DNAAF9: variants seen among roughly 807,000 people sequenced by gnomAD.
The protein encoded by DNAAF9 is shulin.
DNAAF9 carries 90 observed loss-of-function variants against 167.0 expected under a neutral mutation model. That is an observed-to-expected ratio of 0.54 (90% CI 0.45 to 0.64). The LOEUF (loss-of-function observed/expected upper bound fraction) is 0.64. DNAAF9 is among the 30% of genes least tolerant of loss of function. The probability of loss-of-function intolerance (pLI) is 0.00; values close to 1 mark genes in which losing one functional copy is unlikely to be tolerated. For synonymous variants in DNAAF9, 491 were observed against 508.8 expected (o/e 0.96, Z 0.47); for missense variants, 1,315 against 1,442.2 (o/e 0.91, Z 1.43).
chr20:3,252,690 A>G lies in DNAAF9; in HGVS notation c.3422-6T>C. 6.6e-7 allele frequency: 1 copy of G among 1,526,156 alleles called. No homozygotes were observed. Among genetic ancestry groups the G allele is most frequent in the Non-Finnish European group, 9.1e-7 (1 of 1,099,728 alleles). The allele number at this position is 1,526,156 out of a possible 1,614,324, so 94.5% of individuals were successfully genotyped here. A position where few individuals can be genotyped will look rare whatever the true frequency, so the allele number is the denominator to read the frequency against. On this transcript the variant is annotated splice_polypyrimidine_tract_variant and splice_region_variant and intron_variant, in intron 36 of 36. Transcript: ENST00000252032. ...ATTCATGAACTGGTCCATGACTGGT[A>G]TCTCATTAAGGAAGAGAGCTCTGAG...
At chr20:3,350,140 G>GAC (rs1491384105) in intron 7 of DNAAF9, among the ~76,000 whole-genome samples, 2,130 of 115,372 alleles carry the variant, frequency 0.018, 27 homozygotes, top group East Asian at 0.045. Flanking sequence ...CAGACACACA[G>GAC]ACACACAGAC....
intron 6 of DNAAF9, among the ~76,000 whole-genome samples, chr20:3,366,512 T>C (rs1240155004): frequency 1.3e-5 from 2 of 152,182 alleles, no homozygotes; most frequent in Admixed American, 1.3e-4. Context: ...CTAAGGGCCC[T>C]AGGATTTCCA....
chr20:3,332,437 G>C (rs970806786), intron 10 of DNAAF9, 76 bp from the exon 11 acceptor site: 2 of 730,076 alleles, frequency 2.7e-6, no homozygotes, highest in South Asian at 1.6e-5. Context: ...AAAAAGTATA[G>C]AGTCAATGGA....
chr20:3,317,360 C>CA (rs756394932), intron 17 of DNAAF9, among the ~76,000 whole-genome samples: 581 of 99,218 alleles, frequency 5.9e-3, no homozygotes, highest in African/African-American at 1.0e-2. Context: ...GACCTTGTCT[C>CA]AAAAAAAAAA....
chr20:3,398,671 G>C (rs1357085651), intron 1 of DNAAF9, among the ~76,000 whole-genome samples: 2 of 152,168 alleles, frequency 1.3e-5, no homozygotes, highest in Admixed American at 6.6e-5. Context: ...ATAAAATGTT[G>C]GTGGGGTTTG....
chr20:3,255,296 G>C lies in DNAAF9; in HGVS notation c.3262-12C>G. ...TTCCTCTGAGGCTTCTGCAGAGATG[G>C]GGAGTGGAGGGTCAGGTCCCAGCAG... On this transcript the variant is annotated splice_polypyrimidine_tract_variant and intron_variant, in intron 34 of 36. Transcript: ENST00000252032. 1 of 1,534,102 alleles carries C rather than the reference G, an allele frequency of 6.5e-7. No homozygotes were observed. The highest frequency in any genetic ancestry group is 1.2e-5 in the South Asian group (1 of 83,690).
At chr20:3,329,164 C>G (rs2069773598) in intron 12 of DNAAF9, among the ~76,000 whole-genome samples, 1 of 151,978 alleles carries the variant, frequency 6.6e-6, no homozygotes, top group Non-Finnish European at 1.5e-5. Flanking sequence ...GCCACTGCAC[C>G]TGGACACACA....
rs758033267 is a variant in DNAAF9 at position 3,264,565 on chromosome 20, G to A, written c.2787-41C>T. 9 of 963,362 alleles carry A rather than the reference G, an allele frequency of 9.3e-6. No homozygotes were observed. The South Asian group carries it at 9.5e-5, about 10-fold the overall frequency. 59.7% of individuals were successfully genotyped at this position (963,362 alleles called of 1,614,324 possible). On this transcript the variant is annotated intron_variant, in intron 30 of 36. Transcript: ENST00000252032. ...GAAAAGACCTAGATTAATTAGGACT[G>A]TCAATCTCTTTTTTTTTTTTCTTGA...
At chr20:3,261,035 G>A (rs566072734) in intron 31 of DNAAF9, among the ~76,000 whole-genome samples, 1 of 151,894 alleles carries the variant, frequency 6.6e-6, no homozygotes, top group South Asian at 2.1e-4. Context: ...AGAAGGAACT[G>A]GGGCATCTCT....
chr20:3,265,330 C>T (rs1391464272), intron 30 of DNAAF9, among the ~76,000 whole-genome samples: 4 of 151,774 alleles, frequency 2.6e-5, no homozygotes, highest in Non-Finnish European at 4.4e-5. Flanking sequence ...TTTGGGAGGC[C>T]GAGGCAGGCG....
chr20:3,364,381 T>C (rs1185689709), intron 6 of DNAAF9, among the ~76,000 whole-genome samples: 1 of 152,166 alleles, frequency 6.6e-6, no homozygotes, highest in Non-Finnish European at 1.5e-5. Context: ...TGGAAAGCAG[T>C]TAAGTAACTT....
At chr20:3,287,182 C>G (rs989835000) in intron 27 of DNAAF9, among the ~76,000 whole-genome samples, 1 of 152,196 alleles carries the variant, frequency 6.6e-6, no homozygotes, top group African/African-American at 2.4e-5. Flanking sequence ...AATATTCCCA[C>G]TCCTCACTGA....
intron 12 of DNAAF9, among the ~76,000 whole-genome samples, chr20:3,326,747 C>CAAAAA (rs5839993): frequency 8.6e-6 from 1 of 116,880 alleles, no homozygotes; most frequent in Admixed American, 8.7e-5. Context: ...GACCCTGTCT[C>CAAAAA]AAAAAAAAAA....
rs1249485131 is a variant in DNAAF9, at chr20:3,322,180, C to T, written c.1356+37G>A. On this transcript the variant is annotated intron_variant, in intron 16 of 36. Transcript: ENST00000252032. ...AACTTACAGATGTCCCTCTACAGGCCATTCCCAGCCAGCTGACCCATGATA... is the reference window on the plus strand; with the variant it reads ...AACTTACAGATGTCCCTCTACAGGCTATTCCCAGCCAGCTGACCCATGATA... The T allele has an allele frequency of 1.9e-6, 3 of 1,551,366 alleles. No homozygotes were observed. The African/African-American group carries it at 4.1e-5, about 21-fold the overall frequency.
In DNAAF9 at chr20:3,348,618, C is replaced by G; in HGVS notation, c.696G>C (p.Leu232Phe). The G allele has an allele frequency of 6.3e-7, 1 of 1,588,806 alleles. No individual in the cohort carries two copies. The highest frequency in any genetic ancestry group is 8.6e-7 in the Non-Finnish European group (1 of 1,166,892). The part of the protein sequence containing the change: ...MSLESLLSDD[L>F]VAFEHQWTSF... The stretch of plus-strand genomic sequence containing the variant: ...TAGTCCACTGATGTTCAAAAGCCAC[C>G]AAATCCTGGGAAAAAAAGGAAAAAG... Residue 232 changes from leucine (L) to phenylalanine (F), a missense_variant, in exon 8 of 37, where the codon TTG (leucine) becomes TTC (phenylalanine). Around this residue, in one of 2 missense-constraint regions of DNAAF9, gnomAD observed 981 missense variants for 1,012.5 expected, o/e 0.97. Coordinates refer to ENST00000252032, the MANE Select transcript of DNAAF9 (RefSeq NM_001009984.3).
chr20:3,267,341 T>C lies in DNAAF9; in HGVS notation c.2787-2817A>G, dbSNP rs76157478. 3.9e-3 allele frequency among the ~76,000 whole-genome samples: 601 copies of C among 152,250 alleles called. 8 individuals carry two copies. The highest frequency in any genetic ancestry group is 0.014 in the African/African-American group (573 of 41,520). On this transcript the variant is annotated intron_variant, in intron 30 of 36. Coordinates refer to ENST00000252032, the MANE Select transcript of DNAAF9 (RefSeq NM_001009984.3). ...AATCTTTGAGTACTTCCTTGCTTTA[T>C]TGGCATAAAATGGACCAGGCTCACC...
chr20:3,318,379 T>C lies in DNAAF9; in HGVS notation c.1378A>G (p.Ile460Val), dbSNP rs535708824. The C allele has an allele frequency of 1.3e-6, 2 of 1,599,080 alleles. No homozygotes were observed. Among genetic ancestry groups the C allele is most frequent in the Admixed American group, 3.3e-5 (2 of 59,946 alleles). Reference protein sequence around the residue: ...VKTACMAVYDIPDLLGGNGCL... With the variant: ...VKTACMAVYDVPDLLGGNGCL... ...CCATTGCCTCCCAGTAAGTCAGGAATGTCATAGACGGCCATACAAGCCTGC... is the reference window on the plus strand; with the variant it reads ...CCATTGCCTCCCAGTAAGTCAGGAACGTCATAGACGGCCATACAAGCCTGC... The change falls in exon 17 of 37, where the codon ATT (isoleucine) becomes GTT (valine). Residue 460 changes from isoleucine (I) to valine (V), a missense_variant. Coordinates refer to ENST00000252032, the MANE Select transcript of DNAAF9 (RefSeq NM_001009984.3).
At chr20:3,325,034 G>A in intron 13 of DNAAF9, 66 bp from the exon 14 acceptor site, 1 of 882,566 alleles carries the variant, frequency 1.1e-6, no homozygotes, top group Non-Finnish European at 2.0e-6. Flanking sequence ...ATCACTGATG[G>A]AAGGGCCCTC....
intron 1 of DNAAF9, among the ~76,000 whole-genome samples, chr20:3,395,298 T>C (rs1405367211): frequency 1.3e-5 from 2 of 151,346 alleles, no homozygotes; most frequent in East Asian, 4.0e-4. Context: ...TTTTTTTTTT[T>C]CTGAGACAGC....
Sources: gnomAD v4.1 joint callset for allele counts (sites outside exome capture counted in the v4.1 genomes callset) on GRCh38, gnomAD v4.1.1 for gene constraint, gnomAD v4.1.1 regional missense constraint, MANE v1.5 for transcripts, NCBI Gene and HGNC (gene_info 2026-07-23, HGNC 2026-07-21) for gene names.